TNFSF11: variants seen among roughly 807,000 people sequenced by gnomAD.
The protein encoded by TNFSF11 is tumor necrosis factor ligand superfamily member 11.
In TNFSF11, 12 loss-of-function variants were observed where a neutral mutation model predicts 32.2. That is an observed-to-expected ratio of 0.37 (90% CI 0.24 to 0.60). The LOEUF (loss-of-function observed/expected upper bound fraction) is 0.60, where lower values mean the gene tolerates loss of function less well. Ranked by LOEUF, TNFSF11 falls within the 20% of genes least tolerant of loss-of-function variation. The pLI is 0.66. For synonymous variants in TNFSF11, 172 were observed against 152.1 expected (o/e 1.13, Z -0.96); for missense variants, 345 against 398.0 (o/e 0.87, Z 1.13).
At chr13:42,589,443 C>T (rs151125543) in intron 2 of TNFSF11, among the ~76,000 whole-genome samples, 5 of 152,120 alleles carry the variant, frequency 3.3e-5, no homozygotes, top group Admixed American at 6.5e-5. Context: ...TGAGGGACTT[C>T]GAAAATGCAC....
chr13:42,569,218 G>C (rs948293456), upstream of TNFSF11, among the ~76,000 whole-genome samples: 8 of 152,068 alleles, frequency 5.3e-5, no homozygotes, highest in Non-Finnish European at 1.0e-4. Context: ...GGATAGTCTG[G>C]GTGGGCCCAA....
At chr13:42,563,863 G>T (rs1411663134) in intron 1 of TNFSF11, among the ~76,000 whole-genome samples, 1 of 152,124 alleles carries the variant, frequency 6.6e-6, no homozygotes, top group Non-Finnish European at 1.5e-5. Context: ...GAGTCAATGA[G>T]TTAATGTCTT....
upstream of TNFSF11, among the ~76,000 whole-genome samples, chr13:42,571,913 A>C (rs1196928639): frequency 3.3e-5 from 5 of 152,220 alleles, no homozygotes; most frequent in African/African-American, 4.8e-5. Context: ...AGTATTTACC[A>C]TGCACCTACT....
chr13:42,607,699 A>G lies in TNFSF11; in HGVS notation c.*781A>G, dbSNP rs1869541473. The G allele has an allele frequency of 6.5e-6, 1 of 152,810 alleles. No individual in the cohort carries two copies. Among genetic ancestry groups the G allele is most frequent in the Non-Finnish European group, 1.5e-5 (1 of 68,042 alleles). 9.5% of individuals were successfully genotyped at this position (152,810 alleles called of 1,614,324 possible). ...ATTAAAATGGATGCCTTGAATAATAAGCAGGATGTTGGCCACCAGGTGCCT... is the reference window on the plus strand; with the variant it reads ...ATTAAAATGGATGCCTTGAATAATAGGCAGGATGTTGGCCACCAGGTGCCT... On this transcript the variant is annotated 3_prime_UTR_variant, in exon 5 of 5. Coordinates refer to ENST00000398795, the MANE Select transcript of TNFSF11 (RefSeq NM_003701.4).
At chr13:42,586,951 G>T (rs1283376807) in intron 2 of TNFSF11, among the ~76,000 whole-genome samples, 3 of 152,208 alleles carry the variant, frequency 2.0e-5, no homozygotes, top group Non-Finnish European at 1.5e-5. Context: ...TATACCCAAA[G>T]ATTTGTAGCA....
At chr13:42,602,201 T>C (rs1173527352) in intron 4 of TNFSF11, among the ~76,000 whole-genome samples, 1 of 152,208 alleles carries the variant, frequency 6.6e-6, no homozygotes, top group East Asian at 1.9e-4. Context: ...TCACATATGC[T>C]TCAGCTTCAT....
rs1314999212 is a variant in TNFSF11, at chr13:42,592,669, T to A, written c.388-8083T>A. Among the ~76,000 whole-genome samples, 3 of 152,236 alleles carry A rather than the reference T, an allele frequency of 2.0e-5. No homozygotes were observed. The South Asian group carries it at 6.2e-4, about 31-fold the overall frequency. On this transcript the variant is annotated intron_variant, in intron 2 of 4. Coordinates refer to ENST00000398795, the MANE Select transcript of TNFSF11 (RefSeq NM_003701.4). ...CGGGAGGTCAGGAAGTCAAGGGGTG[T>A]GATATGGTTTGGCTCTGTGTCTCCA... is the stretch of plus-strand genomic sequence containing the variant.
At chr13:42,603,921 A>G (rs1411017952) in intron 4 of TNFSF11, among the ~76,000 whole-genome samples, 5 of 152,232 alleles carry the variant, frequency 3.3e-5, no homozygotes, top group African/African-American at 4.8e-5. Context: ...CAGTGAATGT[A>G]TGAGTAAGTC....
rs1869496830 is a variant in TNFSF11, at chr13:42,606,987, G to A, written c.*69G>A. On this transcript the variant is annotated 3_prime_UTR_variant, in exon 5 of 5. Transcript: ENST00000398795. ...ACATTTTTTAAAACAAGCCAAGAAA[G>A]ATGTATATAGGTGTGTGAGACTACT... is the stretch of plus-strand genomic sequence containing the variant. The A allele has an allele frequency of 1.3e-6, 2 of 1,596,852 alleles. No individual in the cohort carries two copies. The highest frequency in any genetic ancestry group is 1.3e-5 in the African/African-American group (1 of 74,550).
intron 4 of TNFSF11, among the ~76,000 whole-genome samples, chr13:42,602,843 A>T (rs952938193): frequency 6.6e-6 from 1 of 152,370 alleles, no homozygotes; most frequent in South Asian, 2.1e-4. Flanking sequence ...TAAATATTGC[A>T]TTAGACCGTT....
chr13:42,563,337 T>C (rs1872740216), intron 1 of TNFSF11, among the ~76,000 whole-genome samples: 1 of 152,224 alleles, frequency 6.6e-6, no homozygotes, highest in African/African-American at 2.4e-5. Flanking sequence ...GGACTAAAAG[T>C]GACCAGAGGA....
chr13:42,580,556 C>T (rs1594462676), intron 1 of TNFSF11, among the ~76,000 whole-genome samples: 2 of 152,110 alleles, frequency 1.3e-5, no homozygotes, highest in East Asian at 1.9e-4. Context: ...ACAGATGACA[C>T]GTCTGACTTC....
In TNFSF11 at chr13:42,564,208, T is replaced by C. The variant is rs577856885; in HGVS notation, c.-302+1245T>C. The stretch of plus-strand genomic sequence containing the variant: ...ATTCCACTTCTTTGTTGCAGTTCTC[T>C]ATCTCTTCATCCATTTTGTTTACCT... On this transcript the variant is annotated intron_variant, in intron 1 of 6. Coordinates refer to the TNFSF11 transcript ENST00000358545. Among the ~76,000 whole-genome samples the C allele has an allele frequency of 3.3e-5, 5 of 152,334 alleles. No individual in the cohort carries two copies. In the South Asian group the frequency reaches 1.0e-3, roughly 32 times the overall value.
intron 2 of TNFSF11, among the ~76,000 whole-genome samples, chr13:42,585,658 C>T (rs528116699): frequency 3.3e-5 from 5 of 152,268 alleles, no homozygotes; most frequent in African/African-American, 7.2e-5. Context: ...TTCTGCCAGC[C>T]GGGGGGTGAG....
chr13:42,567,173 A>G (rs1372614089), intron 2 of TNFSF11, among the ~76,000 whole-genome samples: 6 of 152,054 alleles, frequency 3.9e-5, no homozygotes, highest in Admixed American at 2.6e-4. Flanking sequence ...ATACAATAAG[A>G]CCCTTTGATA....
rs1160123187 is a variant in TNFSF11 at position 42,574,396 on chromosome 13, C to T, written c.93C>T (p.His31=). The change falls in exon 1 of 5, where the codon CAC becomes CAT. Residue 31 remains histidine, a synonymous_variant. Coordinates refer to ENST00000398795, the MANE Select transcript of TNFSF11 (RefSeq NM_003701.4). ...GAGCCCCGCACGAGGGCCCCCTGCA[C>T]GCCCCGCCGCCGCCTGCGCCGCACC... ...GPGAPHEGPL[H]APPPPAPHQP... is the part of the protein sequence containing the mutation. The T allele has an allele frequency of 1.9e-6, 3 of 1,553,392 alleles. No individual in the cohort carries two copies. Among genetic ancestry groups the T allele is most frequent in the Non-Finnish European group, 2.6e-6 (3 of 1,151,150 alleles).
chr13:42,604,462 G>T (rs994625935), intron 4 of TNFSF11, among the ~76,000 whole-genome samples: 1 of 152,206 alleles, frequency 6.6e-6, no homozygotes, highest in African/African-American at 2.4e-5. Flanking sequence ...CAGATAGGTT[G>T]TGGAGTTCAG....
intron 2 of TNFSF11, among the ~76,000 whole-genome samples, chr13:42,581,777 G>A (rs1873630085): frequency 6.6e-6 from 1 of 152,194 alleles, no homozygotes; most frequent in African/African-American, 2.4e-5. Flanking sequence ...GTCATCTGTG[G>A]TGAAGTAGGC....
In TNFSF11 at chr13:42,606,703, A is replaced by G; in HGVS notation, c.739A>G (p.Ile247Val). 6.2e-7 allele frequency: 1 copy of G among 1,614,256 alleles called. No homozygotes were observed. Residue 247 changes from isoleucine (I) to valine (V), a missense_variant, in exon 5 of 5, where the codon ATC (isoleucine) becomes GTC (valine). Physicochemically the swap from Ile to Val is conservative, Grantham distance 29. Around this residue, in one of 2 missense-constraint regions of TNFSF11, gnomAD observed 148 missense variants for 216.0 expected, o/e 0.69. Coordinates refer to ENST00000398795, the MANE Select transcript of TNFSF11 (RefSeq NM_003701.4). ...QLMVYVTKTS[I>V]KIPSSHTLMK... is the part of the protein sequence containing the mutation. Reference sequence around the variant, plus strand: ...AATGGTGTACGTCACTAAAACCAGCATCAAAATCCCAAGTTCTCATACCCT... The same window carrying G: ...AATGGTGTACGTCACTAAAACCAGCGTCAAAATCCCAAGTTCTCATACCCT...
Sources: gnomAD v4.1 joint callset for allele counts (sites outside exome capture counted in the v4.1 genomes callset) on GRCh38, gnomAD v4.1.1 for gene constraint, gnomAD v4.1.1 regional missense constraint, MANE v1.5 for transcripts, NCBI Gene and HGNC (gene_info 2026-07-23, HGNC 2026-07-21) for gene names.